Variants in VPS13B observed in about 807,000 individuals in gnomAD.
VPS13B encodes the protein intermembrane lipid transfer protein VPS13B.
Under a neutral mutation model 426.4 loss-of-function variants are expected in VPS13B, and 285 were observed. That is an observed-to-expected ratio of 0.67 (90% CI 0.61 to 0.74). The LOEUF (loss-of-function observed/expected upper bound fraction) is 0.74. VPS13B is among the 30% of genes least tolerant of loss of function. The pLI is 0.00. For synonymous variants in VPS13B, 1,676 were observed against 1,676.4 expected, an observed-to-expected ratio of 1.00 and a Z score of 0.01; for missense variants, 4,537 against 4,782.6, an observed-to-expected ratio of 0.95 and a Z score of 1.51.
chr8:99,366,040 A>G (rs1352210911), intron 19 of VPS13B, among the ~76,000 whole-genome samples: 1 of 151,892 alleles, frequency 6.6e-6, no homozygotes, highest in African/African-American at 2.4e-5. Flanking sequence ...AGAAAGATCC[A>G]TGTGCTAAAG....
At chr8:99,258,395 T>G (rs1318602391) in intron 17 of VPS13B, among the ~76,000 whole-genome samples, 1 of 151,940 alleles carries the variant, frequency 6.6e-6, no homozygotes, top group Non-Finnish European at 1.5e-5. Context: ...GAGAAAAAAA[T>G]CACTCTAATA....
At chr8:99,201,074 A>C (rs138710469) in intron 17 of VPS13B, among the ~76,000 whole-genome samples, 1 of 151,674 alleles carries the variant, frequency 6.6e-6, no homozygotes, top group Non-Finnish European at 1.5e-5. Context: ...AACATTTTCT[A>C]TGACACTATA....
Position 99,548,578 on chromosome 8 carries a change from C to T in VPS13B, c.4746-7872C>T, listed in dbSNP as rs1057405580. 2.6e-5 allele frequency among the ~76,000 whole-genome samples: 4 copies of T among 151,862 alleles called. No individual in the cohort carries two copies. The South Asian group carries it at 6.3e-4, about 24-fold the overall frequency. On this transcript the variant is annotated intron_variant, in intron 30 of 61. Coordinates refer to ENST00000357162, the MANE Select transcript of VPS13B (RefSeq NM_152564.5). ...AAAGCTAGCATATGGTATTTGAAAA[C>T]ATTTTGAATATGTTTTCTTAATTTC...
At chr8:99,604,120 C>A (rs1270927992) in intron 33 of VPS13B, among the ~76,000 whole-genome samples, 1 of 152,124 alleles carries the variant, frequency 6.6e-6, no homozygotes, top group African/African-American at 2.4e-5. Context: ...GAGGTAGATT[C>A]AGTTACTAAT....
intron 8 of VPS13B, among the ~76,000 whole-genome samples, chr8:99,122,597 T>C (rs1301496629): frequency 6.6e-6 from 1 of 152,172 alleles, no homozygotes; most frequent in African/African-American, 2.4e-5. Context: ...GAGTTATTTG[T>C]TTCCTGGACT....
At chr8:99,116,662 A>G (rs1847669538) in intron 7 of VPS13B, among the ~76,000 whole-genome samples, 6 of 150,392 alleles carry the variant, frequency 4.0e-5, no homozygotes. Context: ...TCAAACTCCT[A>G]GGCATAAGCT....
intron 33 of VPS13B, among the ~76,000 whole-genome samples, chr8:99,592,102 G>T (rs1172624458): frequency 1.3e-5 from 2 of 151,376 alleles, no homozygotes; most frequent in African/African-American, 4.9e-5. Flanking sequence ...CCACTTGATT[G>T]AATCAGCTAC....
intron 30 of VPS13B, among the ~76,000 whole-genome samples, chr8:99,533,871 A>C (rs914451185): frequency 2.6e-5 from 4 of 152,172 alleles, no homozygotes. Flanking sequence ...TGCAGTGTTA[A>C]GATTAAATTC....
intron 19 of VPS13B, among the ~76,000 whole-genome samples, chr8:99,371,730 G>A (rs1441807771): frequency 6.6e-6 from 1 of 152,062 alleles, no homozygotes; most frequent in East Asian, 1.9e-4. Context: ...ATTTGTTTGT[G>A]TCCTCTCTTA....
intron 33 of VPS13B, among the ~76,000 whole-genome samples, chr8:99,637,114 C>A (rs191845738): frequency 5.5e-4 from 83 of 152,136 alleles, no homozygotes; most frequent in Middle Eastern, 3.4e-3. Flanking sequence ...AATAATAAAG[C>A]ACAAGTTACT....
chr8:99,053,877 A>AT (rs1554586457), intron 3 of VPS13B, among the ~76,000 whole-genome samples: 1 of 151,478 alleles, frequency 6.6e-6, no homozygotes, highest in African/African-American at 2.4e-5. Context: ...TAATTTTTAT[A>AT]TTTTTTAGTA....
intron 19 of VPS13B, among the ~76,000 whole-genome samples, chr8:99,279,962 G>C (rs1308147954): frequency 1.3e-5 from 2 of 152,074 alleles, no homozygotes; most frequent in Non-Finnish European, 2.9e-5. Flanking sequence ...GTAGAGACAG[G>C]GTTTCACTGT....
chr8:99,677,756 T>A (rs992634666), intron 35 of VPS13B, among the ~76,000 whole-genome samples: 4 of 152,160 alleles, frequency 2.6e-5, no homozygotes, highest in African/African-American at 9.7e-5. Flanking sequence ...TTTTATTTCT[T>A]CATCTAGCCT....
At chr8:99,093,803 A>G (rs1241019400) in intron 3 of VPS13B, 3 of 152,178 alleles carry the variant, frequency 2.0e-5, no homozygotes, top group Non-Finnish European at 1.5e-5. Flanking sequence ...GGTTGAGAGA[A>G]TACTACAAAC....
intron 21 of VPS13B, among the ~76,000 whole-genome samples, chr8:99,423,832 A>G (rs1015425403): frequency 6.6e-6 from 1 of 152,130 alleles, no homozygotes; most frequent in African/African-American, 2.4e-5. Flanking sequence ...ACTTCCAACT[A>G]TGTGGTCAGT....
At chr8:99,380,439 G>T (rs1356978265) in intron 19 of VPS13B, among the ~76,000 whole-genome samples, 1 of 151,998 alleles carries the variant, frequency 6.6e-6, no homozygotes, top group Admixed American at 6.6e-5. Context: ...TAGCTTTTCT[G>T]TGTCTTTCTT....
chr8:99,714,057 G>A (rs772056130), intron 36 of VPS13B, among the ~76,000 whole-genome samples: 4 of 150,672 alleles, frequency 2.7e-5, no homozygotes, highest in Non-Finnish European at 5.9e-5. Flanking sequence ...GGGAATCGCT[G>A]GAACCCAGGA....
chr8:99,482,347 G>A (rs1820087737), intron 25 of VPS13B, among the ~76,000 whole-genome samples: 1 of 151,676 alleles, frequency 6.6e-6, no homozygotes, highest in South Asian at 2.1e-4. Flanking sequence ...ATCCTGATAT[G>A]AAAATAAAAA....
intron 2 of VPS13B, among the ~76,000 whole-genome samples, chr8:99,015,898 A>G (rs1216303994): frequency 6.6e-6 from 1 of 152,092 alleles, no homozygotes; most frequent in Non-Finnish European, 1.5e-5. Context: ...GTGAGACTCC[A>G]TCTGGGGCAG....
Sources: gnomAD v4.1 joint callset for allele counts (sites outside exome capture counted in the v4.1 genomes callset) on GRCh38, gnomAD v4.1.1 for gene constraint, MANE v1.5 for transcripts, NCBI Gene and HGNC (gene_info 2026-07-23, HGNC 2026-07-21) for gene names.